HTR3D: variants seen among roughly 807,000 people sequenced by gnomAD.
HTR3D encodes 5-hydroxytryptamine receptor 3D.
HTR3D carries 47 observed loss-of-function variants against 45.8 expected under a neutral mutation model. The ratio of observed to expected loss-of-function variants is 1.03; its 90% CI spans 0.81 to 1.31. HTR3D has a LOEUF of 1.31. HTR3D is among the 50% of genes most tolerant of loss of function. The pLI is 0.00. For missense variants in HTR3D, 448 were observed against 506.9 expected (o/e 0.88, Z 1.12); for synonymous variants, 203 against 199.8 (o/e 1.02, Z -0.13).
rs1156662681 is a variant in HTR3D, at chr3:184,032,841, A to G, written c.66+1034A>G. Reference sequence around the variant, plus strand: ...CCCTGTTTTCTCTCCATGCAGAAACACTCTCCAGGCCCCCCAGCCCTGGCC... The same window carrying G: ...CCCTGTTTTCTCTCCATGCAGAAACGCTCTCCAGGCCCCCCAGCCCTGGCC... On this transcript the variant is annotated intron_variant, in intron 1 of 7. Transcript: ENST00000428798. The G allele has an allele frequency of 4.5e-6, 7 of 1,551,008 alleles. No homozygotes were observed. The highest frequency in any genetic ancestry group is 1.4e-5 in the African/African-American group (1 of 72,836).
intron 1 of HTR3D, among the ~76,000 whole-genome samples, chr3:184,034,612 A>G (rs1463452658): frequency 2.7e-5 from 3 of 112,438 alleles, no homozygotes; most frequent in Admixed American, 2.4e-4. Flanking sequence ...AAATATTGAA[A>G]AAATTATTTT....
chr3:184,033,496 C>G (rs1373741159), intron 1 of HTR3D, among the ~76,000 whole-genome samples: 3 of 151,948 alleles, frequency 2.0e-5, no homozygotes, highest in Non-Finnish European at 4.4e-5. Flanking sequence ...GACATTTCTG[C>G]AAAGAAGAAA....
chr3:184,036,885 G>A lies in HTR3D; in HGVS notation c.505G>A (p.Ala169Thr). ...CGTGGCCACTAACCAGTATGAACAA[G>A]CCATCTTCCATGTGAGCTCAGGGGC... is the stretch of plus-strand genomic sequence containing the variant. ...VTVATNQYEQ[A>T]IFHVAIRRRC... The change falls in exon 5 of 8, where the codon GCC becomes ACC. Residue 169 changes from alanine (A) to threonine (T), a missense_variant. By Grantham distance (58) the Ala-to-Thr change is moderately conservative. Coordinates refer to ENST00000428798, the MANE Select transcript of HTR3D (RefSeq NM_001145143.1). The A allele has an allele frequency of 6.4e-7, 1 of 1,551,450 alleles. No individual in the cohort carries two copies.
chr3:184,037,041 T>C, intron 5 of HTR3D, 145 bp downstream of exon 5: 1 of 722,338 alleles, frequency 1.4e-6, no homozygotes, highest in Non-Finnish European at 2.2e-6. Flanking sequence ...GTCACTCTTT[T>C]TTTTTTTTTA....
At position 184,039,030 on chromosome 3, in the gene HTR3D, G is replaced by T. The variant is rs765592550; in HGVS notation, c.*55G>T. On this transcript the variant is annotated 3_prime_UTR_variant, in exon 8 of 8. Transcript: ENST00000428798. ...GACTTCTTTTTGCCAGAGAACTCCA[G>T]AAACCAGTCAGGCTCTCAGTCAGCC... 2.0e-6 allele frequency: 3 copies of T among 1,536,674 alleles called. No individual in the cohort carries two copies. The East Asian group carries it at 7.1e-5, about 36-fold the overall frequency.
rs879175600 is a variant in HTR3D at position 184,039,031 on chromosome 3, A to T, written c.*56A>T. ...ACTTCTTTTTGCCAGAGAACTCCAG[A>T]AACCAGTCAGGCTCTCAGTCAGCCT... is the stretch of plus-strand genomic sequence containing the variant. On this transcript the variant is annotated 3_prime_UTR_variant, in exon 8 of 8. Transcript: ENST00000428798. 1 of 1,529,770 alleles carries T rather than the reference A, an allele frequency of 6.5e-7. No individual in the cohort carries two copies. Among genetic ancestry groups the T allele is most frequent in the South Asian group, 1.1e-5 (1 of 88,006 alleles). The allele number at this position is 1,529,770 out of a possible 1,614,324, so 94.8% of individuals were successfully genotyped here. A position where few individuals can be genotyped will look rare whatever the true frequency, so the allele number is the denominator to read the frequency against.
chr3:184,038,176 C>G lies in HTR3D; in HGVS notation c.672C>G (p.Ser224Arg). ...PFKMTVLLGY[S>R]VFLLMMNDLL... is the part of the protein sequence containing the mutation. ...AGATGACTGTTCTGCTGGGCTACAG[C>G]GTCTTCCTGCTCATGATGAATGACT... The change falls in exon 6 of 8, where the codon AGC becomes AGG. Residue 224 changes from serine to arginine, a missense_variant. By Grantham distance (110) the Ser-to-Arg change is moderately radical. Transcript: ENST00000428798. This position sits in a 1 kb window ranked among gnomAD's most constrained non-coding sequence, Gnocchi z 4.5. The G allele has an allele frequency of 6.2e-7, 1 of 1,614,142 alleles. No individual in the cohort carries two copies.
chr3:184,032,769 C>A, intron 1 of HTR3D: 2 of 1,231,760 alleles, frequency 1.6e-6, no homozygotes, highest in South Asian at 1.4e-5. Context: ...GCTCAGCCTA[C>A]TCTTCCTGGA....
Position 184,036,460 on chromosome 3 carries a change from G to A in HTR3D, c.283G>A (p.Ala95Thr), listed in dbSNP as rs574557280. Residue 95 changes from alanine to threonine, a missense_variant, in exon 4 of 8, where the codon GCA (alanine) becomes ACA (threonine). Ala to Thr is a moderately conservative substitution (Grantham distance 58). Transcript: ENST00000428798. ...CACAATAAGCCAATGTGGGTGGTCA[G>A]CATCTGCAAACTGGACACCTTCTAT... ...SNTISQCGWS[A>T]SANWTPSISP... 2.5e-6 allele frequency: 4 copies of A among 1,614,248 alleles called. No individual in the cohort carries two copies. The African/African-American group carries it at 4.0e-5, about 16-fold the overall frequency.
intron 5 of HTR3D, 54 bp downstream of exon 5, chr3:184,036,950 ACTC>A (rs773417439): frequency 3.2e-5 from 49 of 1,511,090 alleles, no homozygotes; most frequent in Admixed American, 1.2e-4. Flanking sequence ...CTGGTCTTGA[ACTC>A]CTGGCTTCAG....
Position 184,038,908 on chromosome 3 carries a change from T to C in HTR3D, c.1148T>C (p.Leu383Pro). The C allele has an allele frequency of 6.2e-7, 1 of 1,614,154 alleles. No individual in the cohort carries two copies. ...TTCAGCCACGCGATGGACGCCCTGCTCTTCCGCCTCTACCTGCTCTTCATG... is the reference window on the plus strand; with the variant it reads ...TTCAGCCACGCGATGGACGCCCTGCCCTTCCGCCTCTACCTGCTCTTCATG... ...VQFSHAMDAL[L>P]FRLYLLFMAS... is the part of the protein sequence containing the mutation. Residue 383 changes from leucine (L) to proline (P), a missense_variant, in exon 8 of 8, where the codon CTC (leucine) becomes CCC (proline). By Grantham distance (98) the Leu-to-Pro change is moderately conservative (BLOSUM62 -3). Transcript: ENST00000428798. This position sits in a 1 kb window ranked among gnomAD's most constrained non-coding sequence, Gnocchi z 4.5.
intron 5 of HTR3D, 68 bp downstream of exon 5, chr3:184,036,964 G>T (rs1722919367): frequency 6.8e-7 from 1 of 1,477,838 alleles, no homozygotes; most frequent in African/African-American, 1.4e-5. Flanking sequence ...CTGGCTTCAG[G>T]TGATCCGCCC....
intron 1 of HTR3D, among the ~76,000 whole-genome samples, chr3:184,033,318 G>A (rs543487481): frequency 6.6e-6 from 1 of 151,992 alleles, no homozygotes; most frequent in Admixed American, 6.6e-5. Flanking sequence ...GGCCAGGCTG[G>A]TCTCAAATTC....
Position 184,038,384 on chromosome 3 carries a change from C to A in HTR3D, c.770-25C>A, listed in dbSNP as rs760538209. 1 of 1,614,132 alleles carries A rather than the reference C, an allele frequency of 6.2e-7. No homozygotes were observed. Among genetic ancestry groups the A allele is most frequent in the South Asian group, 1.1e-5 (1 of 91,084 alleles). On this transcript the variant is annotated intron_variant, in intron 6 of 7. Coordinates refer to ENST00000428798, the MANE Select transcript of HTR3D (RefSeq NM_001145143.1). This position sits in a 1 kb window ranked among gnomAD's most constrained non-coding sequence, Gnocchi z 4.5. ...GAAATTCTAGGTGGCGCCTCTGGCCCTCATGCAGACCCCCTTGCCTGCAGG... is the reference window on the plus strand; with the variant it reads ...GAAATTCTAGGTGGCGCCTCTGGCCATCATGCAGACCCCCTTGCCTGCAGG...
At chr3:184,031,699 A>G, upstream of HTR3D, 1 of 1,413,798 alleles carries the variant, frequency 7.1e-7, no homozygotes, top group Non-Finnish European at 9.8e-7. Context: ...TTTAAAGGTT[A>G]ACATCATCAT....
intron 1 of HTR3D, 158 bp from the exon 2 acceptor site, chr3:184,035,020 T>A (rs959353082): frequency 3.8e-5 from 56 of 1,456,612 alleles, no homozygotes; most frequent in Non-Finnish European, 4.5e-5. Flanking sequence ...ACATTTTCCA[T>A]GTACCTTGAA....
chr3:184,037,028 T>A, intron 5 of HTR3D, 132 bp downstream of exon 5: 1 of 766,592 alleles, frequency 1.3e-6, no homozygotes, highest in Non-Finnish European at 2.0e-6. Context: ...AAGCCCGGCC[T>A]TTGTCACTCT....
At chr3:184,034,170 C>G (rs576827081) in intron 1 of HTR3D, among the ~76,000 whole-genome samples, 42 of 151,764 alleles carry the variant, frequency 2.8e-4, no homozygotes, top group South Asian at 6.2e-4. Context: ...CAGAATTACT[C>G]ACAATAGTTA....
Position 184,038,567 on chromosome 3 carries a change from C to A in HTR3D, c.928C>A (p.Pro310Thr), listed in dbSNP as rs781051869. 3 of 1,613,982 alleles carry A rather than the reference C, an allele frequency of 1.9e-6. No individual in the cohort carries two copies. The South Asian group carries it at 3.3e-5, about 18-fold the overall frequency. The part of the protein sequence containing the change: ...LHCTGQGRCC[P>T]TAPQKGNKGP... ...CTGCACCGGCCAAGGGAGATGCTGT[C>A]CCACTGCGCCCCAGAAGGGAAATAA... The change falls in exon 7 of 8, where the codon CCC (proline) becomes ACC (threonine). Residue 310 changes from proline (P) to threonine (T), a missense_variant. Transcript: ENST00000428798. The surrounding 1 kb of genome is among the most constrained non-coding windows in gnomAD (Gnocchi z 4.5).
Sources: allele counts gnomAD v4.1 joint callset (sites outside exome capture counted in the v4.1 genomes callset), GRCh38; gene constraint gnomAD v4.1.1; non-coding constraint Gnocchi (gnomAD v3.1); transcripts MANE v1.5; gene names NCBI Gene and HGNC (gene_info 2026-07-23, HGNC 2026-07-21).